PRDM5: variants seen among roughly 807,000 people sequenced by gnomAD.
The protein encoded by PRDM5 is PR domain zinc finger protein 5.
PRDM5 carries 56 observed loss-of-function variants against 81.2 expected under a neutral mutation model. The ratio of observed to expected loss-of-function variants is 0.69; its 90% confidence interval spans 0.56 to 0.86. The LOEUF (loss-of-function observed/expected upper bound fraction) is 0.86, where lower values mean the gene tolerates loss of function less well. Among genes scored for constraint, PRDM5 ranks in the 40% least tolerant of loss-of-function variants. The pLI is 0.00. For missense variants in PRDM5, 697 were observed against 770.1 expected (o/e 0.91, Z 1.12); for synonymous variants, 267 against 256.4 (o/e 1.04, Z -0.39).
rs199973177 is a variant in PRDM5 at position 120,829,862 on chromosome 4, GA to G, written c.301-8518del. ...ATGAACAACTTATACCAGTGTAGAG[GA>G]AAAAAAAAGTCTCTGGACTGCTATC... is the stretch of plus-strand genomic sequence containing the variant. On this transcript the variant is annotated intron_variant, in intron 3 of 15. Transcript: ENST00000264808. 1.7e-4 allele frequency among the ~76,000 whole-genome samples: 25 copies of G among 149,844 alleles called. No individual in the cohort carries two copies. In the South Asian group the frequency reaches 2.1e-3, roughly 13 times the overall value.
downstream of PRDM5, among the ~76,000 whole-genome samples, chr4:120,690,011 C>A (rs541388488): frequency 6.6e-6 from 1 of 152,260 alleles, no homozygotes; most frequent in African/African-American, 2.4e-5. Flanking sequence ...TGTCACATTG[C>A]TCCCCATCTC....
intron 10 of PRDM5, 105 bp downstream of exon 10, chr4:120,798,162 T>G: frequency 1.2e-6 from 1 of 800,496 alleles, no homozygotes; most frequent in Non-Finnish European, 1.9e-6. Flanking sequence ...AGTTGTTGCA[T>G]TATATACAGT....
chr4:120,799,838 C>T, intron 8 of PRDM5, 93 bp from the exon 9 acceptor site: 2 of 1,536,996 alleles, frequency 1.3e-6, no homozygotes, highest in Non-Finnish European at 1.8e-6. Flanking sequence ...GAACAGCTGC[C>T]ACTGCAATAC....
chr4:120,780,290 T>A (rs548876600), intron 12 of PRDM5, among the ~76,000 whole-genome samples: 6 of 151,896 alleles, frequency 4.0e-5, no homozygotes, highest in African/African-American at 1.4e-4. Flanking sequence ...ACAAAAATTT[T>A]AAAAAATTAT....
At chr4:120,723,991 T>G (rs1400736877) in intron 14 of PRDM5, among the ~76,000 whole-genome samples, 1 of 143,336 alleles carries the variant, frequency 7.0e-6, no homozygotes, top group Non-Finnish European at 1.5e-5. Context: ...GGAACATTCC[T>G]GACAAGTGTA....
chr4:120,840,375 G>A (rs1176419485), intron 3 of PRDM5, among the ~76,000 whole-genome samples: 1 of 151,906 alleles, frequency 6.6e-6, no homozygotes, highest in Non-Finnish European at 1.5e-5. Context: ...CCCAGCCGTT[G>A]GGAATGTCAG....
At chr4:120,737,493 TC>T (rs771745907) in intron 14 of PRDM5, among the ~76,000 whole-genome samples, 1 of 152,166 alleles carries the variant, frequency 6.6e-6, no homozygotes, top group East Asian at 1.9e-4. Context: ...CCCAGTACTT[TC>T]CCACGCCATC....
intron 10 of PRDM5, among the ~76,000 whole-genome samples, chr4:120,790,380 T>C (rs979644640): frequency 6.6e-6 from 1 of 152,152 alleles, no homozygotes; most frequent in African/African-American, 2.4e-5. Flanking sequence ...AGATACAGTT[T>C]TCACACTCAT....
chr4:120,863,175 A>T (rs201849857), intron 2 of PRDM5, among the ~76,000 whole-genome samples: 5,159 of 59,974 alleles, frequency 0.086, 369 homozygotes, highest in South Asian at 0.19. Flanking sequence ...AAAAAAAAAA[A>T]ATATATATAT....
chr4:120,831,542 C>T (rs531667764), intron 3 of PRDM5, among the ~76,000 whole-genome samples: 1 of 152,126 alleles, frequency 6.6e-6, no homozygotes, highest in African/African-American at 2.4e-5. Context: ...CTAAGAAAAT[C>T]AATTGAATGT....
At chr4:120,827,588 G>T (rs927364768) in intron 3 of PRDM5, among the ~76,000 whole-genome samples, 1 of 152,020 alleles carries the variant, frequency 6.6e-6, no homozygotes, top group Admixed American at 6.6e-5. Context: ...TTATGTAAAT[G>T]GTCTTAACAC....
At chr4:120,806,374 A>G (rs1271975288) in intron 8 of PRDM5, among the ~76,000 whole-genome samples, 1 of 152,238 alleles carries the variant, frequency 6.6e-6, no homozygotes, top group African/African-American at 2.4e-5. Flanking sequence ...GAACTAAAAC[A>G]AAGCCCACAT....
At chr4:120,907,646 T>C in intron 1 of PRDM5, 89 bp from the exon 2 acceptor site, 1 of 1,025,356 alleles carries the variant, frequency 9.8e-7, no homozygotes. Context: ...AATGTTTTTC[T>C]GCAAATCTTC....
At chr4:120,816,980 AC>A in intron 5 of PRDM5, 56 bp from the exon 6 acceptor site, 1 of 1,343,878 alleles carries the variant, frequency 7.4e-7, no homozygotes, top group South Asian at 1.2e-5. Context: ...GAACTCTAAG[AC>A]AAAAATGAAA....
intron 2 of PRDM5, among the ~76,000 whole-genome samples, chr4:120,905,166 G>C (rs958362565): frequency 7.2e-5 from 11 of 152,170 alleles, no homozygotes; most frequent in African/African-American, 2.7e-4. Context: ...TTAAATTATA[G>C]TGAGGACTAT....
downstream of PRDM5, among the ~76,000 whole-genome samples, chr4:120,688,336 A>G (rs1391646531): frequency 6.7e-6 from 1 of 150,078 alleles, no homozygotes; most frequent in Non-Finnish European, 1.5e-5. Context: ...GTTGTTTTTT[A>G]TTGTTGTTGA....
At chr4:120,689,151 C>G (rs866305630), downstream of PRDM5, among the ~76,000 whole-genome samples, 4 of 152,268 alleles carry the variant, frequency 2.6e-5, no homozygotes, top group Middle Eastern at 3.4e-3. Context: ...AACTCACATA[C>G]TTAGTCTAAT....
At chr4:120,905,377 A>G (rs368616357) in intron 2 of PRDM5, among the ~76,000 whole-genome samples, 2 of 152,364 alleles carry the variant, frequency 1.3e-5, no homozygotes, top group South Asian at 4.1e-4. Flanking sequence ...AAACGCTGAT[A>G]TAGCAGTAAA....
chr4:120,863,669 T>G (rs1453599452), intron 2 of PRDM5, among the ~76,000 whole-genome samples: 1 of 152,148 alleles, frequency 6.6e-6, no homozygotes, highest in Non-Finnish European at 1.5e-5. Flanking sequence ...TTCCCTTTTG[T>G]GGCCAAAAAA....
Sources: gnomAD v4.1 joint callset for allele counts (sites outside exome capture counted in the v4.1 genomes callset) on GRCh38, gnomAD v4.1.1 for gene constraint, MANE v1.5 for transcripts, NCBI Gene and HGNC (gene_info 2026-07-23, HGNC 2026-07-21) for gene names.